EPHA5: variants seen among roughly 807,000 people sequenced by gnomAD.
The protein encoded by EPHA5 is EPH receptor A5, also known as ephrin type-A receptor 5.
Under a neutral mutation model 105.0 loss-of-function variants are expected in EPHA5, and 60 were observed. The ratio of observed to expected loss-of-function variants is 0.57; its 90% CI spans 0.46 to 0.71. The LOEUF (loss-of-function observed/expected upper bound fraction) is 0.71, where lower values mean the gene tolerates loss of function less well. Ranked by LOEUF, EPHA5 falls within the 30% of genes least tolerant of loss-of-function variation. The probability of loss-of-function intolerance (pLI) is 0.00; values close to 1 mark genes in which losing one functional copy is unlikely to be tolerated. For missense variants in EPHA5, 1,218 were observed against 1,274.7 expected (o/e 0.96, Z 0.68); for synonymous variants, 513 against 449.1 (o/e 1.14, Z -1.80).
chr4:65,389,401 T>C (rs774478494), intron 8 of EPHA5, among the ~76,000 whole-genome samples: 20 of 152,072 alleles, frequency 1.3e-4, no homozygotes, highest in Non-Finnish European at 2.2e-4. Context: ...TTCAACTCTT[T>C]TCTCTGTAAT....
chr4:65,407,758 T>C (rs897557640), intron 7 of EPHA5, among the ~76,000 whole-genome samples: 6 of 151,350 alleles, frequency 4.0e-5, no homozygotes, highest in Non-Finnish European at 5.9e-5. Flanking sequence ...GGGTTTTACA[T>C]TTTCTTTTTT....
At chr4:65,645,360 G>A (rs4277829) in intron 1 of EPHA5, among the ~76,000 whole-genome samples, 1,659 of 151,030 alleles carry the variant, frequency 0.011, 20 homozygotes, top group Admixed American at 0.018. Context: ...CTGTGTAGAT[G>A]AGACAAAGTA....
intron 3 of EPHA5, among the ~76,000 whole-genome samples, chr4:65,595,916 G>A (rs1743134093): frequency 6.6e-6 from 1 of 152,160 alleles, no homozygotes; most frequent in Admixed American, 6.5e-5. Context: ...GATGAGAACA[G>A]CAAAGAACAG....
chr4:65,547,447 G>T lies in EPHA5; in HGVS notation c.911-51904C>A, dbSNP rs1391513726. ...TCAATATACATTGACTGAGCTGTCT[G>T]ACATATTTTATGGTCTAAAATAGTT... On this transcript the variant is annotated intron_variant, in intron 3 of 16. Transcript: ENST00000613740. 2.0e-5 allele frequency among the ~76,000 whole-genome samples: 3 copies of T among 151,926 alleles called. No homozygotes were observed. The South Asian group carries it at 6.2e-4, about 31-fold the overall frequency.
At chr4:65,433,267 T>G (rs1367037912) in intron 5 of EPHA5, among the ~76,000 whole-genome samples, 5 of 152,174 alleles carry the variant, frequency 3.3e-5, no homozygotes, top group Admixed American at 3.3e-4. Context: ...AAACTTAATT[T>G]AGGTAAAATT....
rs901352268 is a variant in EPHA5, at chr4:65,555,834, G to A, written c.910+45807C>T. The stretch of plus-strand genomic sequence containing the variant: ...ATAACATTCAGGAGATAATATTTTC[G>A]ATTTGGCATTTTCAGCCTGTATTTA... On this transcript the variant is annotated intron_variant, in intron 3 of 16. Transcript: ENST00000613740. Among the ~76,000 whole-genome samples, 14 of 140,920 alleles carry A rather than the reference G, an allele frequency of 9.9e-5. 1 individual carries two copies. Among genetic ancestry groups the A allele is most frequent in the African/African-American group, 2.3e-4 (7 of 30,964 alleles). The allele number at this position is 140,920 out of a possible 152,430, so 92.4% of individuals were successfully genotyped here.
intron 3 of EPHA5, among the ~76,000 whole-genome samples, chr4:65,514,774 C>T (rs79357697): frequency 0.019 from 2,851 of 152,196 alleles, 59 homozygotes; most frequent in Non-Finnish European, 0.031. Context: ...CAATTCAATT[C>T]CTTGATGCTC....
chr4:65,433,518 C>T lies in EPHA5; in HGVS notation c.1403-12953G>A, dbSNP rs529870611. On this transcript the variant is annotated intron_variant, in intron 5 of 16. Transcript: ENST00000613740. Reference sequence around the variant, plus strand: ...TTCACCCAGAAACTCAGATATATTTCAACACAGCCTTGCCAAAGTATCCTA... The same window carrying T: ...TTCACCCAGAAACTCAGATATATTTTAACACAGCCTTGCCAAAGTATCCTA... Among the ~76,000 whole-genome samples, 12 of 152,310 alleles carry T rather than the reference C, an allele frequency of 7.9e-5. No individual in the cohort carries two copies. In the East Asian group the frequency reaches 1.2e-3, roughly 15 times the overall value.
chr4:65,378,019 T>C (rs990834528), intron 8 of EPHA5, among the ~76,000 whole-genome samples: 9 of 151,748 alleles, frequency 5.9e-5, no homozygotes, highest in Non-Finnish European at 1.3e-4. Context: ...GTATCTATTC[T>C]TTTTTATATC....
chr4:65,442,148 C>A (rs1726078857), intron 5 of EPHA5, among the ~76,000 whole-genome samples: 1 of 152,086 alleles, frequency 6.6e-6, no homozygotes, highest in South Asian at 2.1e-4. Context: ...ACACCCCATC[C>A]AAATTCATAT....
chr4:65,331,479 T>C (rs1056336948), intron 16 of EPHA5: 1 of 1,050,588 alleles, frequency 9.5e-7, no homozygotes, highest in Admixed American at 5.5e-5. Context: ...GAATGTAAGG[T>C]GCACCATTTA....
At chr4:65,469,776 A>G (rs1162405365) in intron 5 of EPHA5, among the ~76,000 whole-genome samples, 3 of 152,218 alleles carry the variant, frequency 2.0e-5, no homozygotes, top group Admixed American at 1.3e-4. Context: ...TATAATCATC[A>G]TCATTATCAG....
intron 3 of EPHA5, among the ~76,000 whole-genome samples, chr4:65,528,454 C>A (rs1344867477): frequency 6.6e-6 from 1 of 151,880 alleles, no homozygotes; most frequent in African/African-American, 2.4e-5. Flanking sequence ...CTCCTCCTAT[C>A]CTTAAGAGAA....
intron 3 of EPHA5, among the ~76,000 whole-genome samples, chr4:65,527,791 G>A (rs2149294301): frequency 6.6e-6 from 1 of 152,068 alleles, no homozygotes; most frequent in Admixed American, 6.6e-5. Context: ...TCATCACTTA[G>A]GTATTAAGCC....
intron 8 of EPHA5, among the ~76,000 whole-genome samples, chr4:65,395,122 T>C (rs1419766460): frequency 1.3e-5 from 2 of 152,190 alleles, no homozygotes; most frequent in Non-Finnish European, 2.9e-5. Flanking sequence ...TTGACTAACA[T>C]AAGAACTGTG....
intron 16 of EPHA5, chr4:65,330,639 A>G (rs1720521515): frequency 8.3e-6 from 5 of 605,044 alleles, no homozygotes; most frequent in Non-Finnish European, 8.4e-6. Context: ...ATTTTAATAT[A>G]AAATGACAAA....
At chr4:65,385,135 G>A (rs1022168228) in intron 8 of EPHA5, among the ~76,000 whole-genome samples, 3 of 151,144 alleles carry the variant, frequency 2.0e-5, no homozygotes, top group African/African-American at 4.9e-5. Flanking sequence ...AATAAATAAC[G>A]TTTATAAACA....
In EPHA5 at chr4:65,621,540, T is replaced by A. The variant is rs190399956; in HGVS notation, c.247-19236A>T. 1.1e-4 allele frequency among the ~76,000 whole-genome samples: 16 copies of A among 152,318 alleles called. No homozygotes were observed. The East Asian group carries it at 3.1e-3, about 29-fold the overall frequency. The stretch of plus-strand genomic sequence containing the variant: ...TTCTCTCATCTCTCCATTTACAATG[T>A]ATATAGTACTTTGTACAAAACTTGC... On this transcript the variant is annotated intron_variant, in intron 2 of 16. Coordinates refer to ENST00000613740, the MANE Select transcript of EPHA5 (RefSeq NM_001281766.3).
At chr4:65,521,125 C>T (rs1258318468) in intron 3 of EPHA5, among the ~76,000 whole-genome samples, 2 of 152,042 alleles carry the variant, frequency 1.3e-5, no homozygotes, top group Non-Finnish European at 2.9e-5. Flanking sequence ...GGAACCAACC[C>T]AAATGTCCAT....
Sources: gnomAD v4.1 joint callset for allele counts (sites outside exome capture counted in the v4.1 genomes callset) on GRCh38, gnomAD v4.1.1 for gene constraint, MANE v1.5 for transcripts, NCBI Gene and HGNC (gene_info 2026-07-23, HGNC 2026-07-21) for gene names.